ARHGEF6: variants seen among roughly 807,000 people sequenced by gnomAD.
ARHGEF6 encodes rho guanine nucleotide exchange factor 6.
Under a neutral mutation model 70.3 loss-of-function variants are expected in ARHGEF6, and 9 were observed. That is an observed-to-expected ratio of 0.13 (90% CI 0.08 to 0.22). The LOEUF (loss-of-function observed/expected upper bound fraction) is 0.22. ARHGEF6 is among the 10% of genes least tolerant of loss of function. The pLI is 1.00. For synonymous variants in ARHGEF6, 201 were observed against 207.8 expected (o/e 0.97, Z 0.28); for missense variants, 470 against 563.0 (o/e 0.83, Z 1.67).
At chrX:136,686,013 C>T (rs2076382225) in intron 11 of ARHGEF6, among the ~76,000 whole-genome samples, 190 bp from the exon 12 acceptor site, 1 of 112,017 alleles carries the variant, frequency 8.9e-6, no homozygotes, top group African/African-American at 3.2e-5. Flanking sequence ...AGGCTTGAGC[C>T]CCCAAAGGTT....
At chrX:136,685,195 T>C (rs1338185821) in intron 12 of ARHGEF6, among the ~76,000 whole-genome samples, 1 of 111,563 alleles carries the variant, frequency 9.0e-6, no homozygotes, top group East Asian at 2.8e-4. Flanking sequence ...TCCCCTTTTG[T>C]TTTTGTGCCC....
At chrX:136,755,409 C>T (rs908124327) in intron 2 of ARHGEF6, among the ~76,000 whole-genome samples, 1 of 111,635 alleles carries the variant, frequency 9.0e-6, no homozygotes, top group African/African-American at 3.3e-5. Flanking sequence ...GCAGCTCCTC[C>T]GTGCCTGTTT....
intron 1 of ARHGEF6, among the ~76,000 whole-genome samples, chrX:136,780,508 T>C (rs1439220265): frequency 8.9e-6 from 1 of 112,176 alleles, no homozygotes; most frequent in Non-Finnish European, 1.9e-5. Context: ...GTTTTCCCTA[T>C]ACTACAATTT....
chrX:136,675,308 G>A (rs1415542935), intron 18 of ARHGEF6, among the ~76,000 whole-genome samples: 2 of 98,829 alleles, frequency 2.0e-5, no homozygotes, highest in Non-Finnish European at 4.2e-5. Flanking sequence ...GCTTAGTGGA[G>A]GGCCTACTCC....
intron 10 of ARHGEF6, among the ~76,000 whole-genome samples, chrX:136,689,856 A>C (rs1312304112): frequency 1.8e-5 from 2 of 111,214 alleles, no homozygotes; most frequent in African/African-American, 6.5e-5. Flanking sequence ...ACAATCACAA[A>C]AGAATGGCTC....
Position 136,665,827 on chromosome X carries a change from A to G in ARHGEF6, c.*2202T>C, listed in dbSNP as rs1366885968. 4 of 112,320 alleles carry G rather than the reference A, an allele frequency of 3.6e-5. No individual in the cohort carries two copies. Among genetic ancestry groups the G allele is most frequent in the Non-Finnish European group, 5.6e-5 (3 of 53,208 alleles). The allele number at this position is 112,320 out of a possible 1,213,427, so 9.3% of individuals were successfully genotyped here. ...TGTGTAAGCATGGTTACCACTCTGCACAAGCTTCGTTATCCAGAGTACCGA... is the reference window on the plus strand; with the variant it reads ...TGTGTAAGCATGGTTACCACTCTGCGCAAGCTTCGTTATCCAGAGTACCGA... On this transcript the variant is annotated 3_prime_UTR_variant, in exon 22 of 22. Transcript: ENST00000250617.
At chrX:136,741,256 G>C in intron 5 of ARHGEF6, among the ~76,000 whole-genome samples, 1 of 111,084 alleles carries the variant, frequency 9.0e-6, no homozygotes, top group Non-Finnish European at 1.9e-5. Context: ...GAACAACATG[G>C]GTTTGAACTT....
intron 5 of ARHGEF6, 95 bp downstream of exon 5, chrX:136,743,490 C>T: frequency 1.1e-6 from 1 of 908,886 alleles, no homozygotes. Context: ...GTATAAACAG[C>T]TTCTGTTAAC....
chrX:136,752,439 T>C (rs2077161802), intron 2 of ARHGEF6, among the ~76,000 whole-genome samples: 1 of 112,278 alleles, frequency 8.9e-6, no homozygotes, highest in South Asian at 3.7e-4. Context: ...AGCTCGTGAT[T>C]ACAGAACCAA....
At chrX:136,682,142 G>A (rs1429374816) in intron 13 of ARHGEF6, among the ~76,000 whole-genome samples, 174 bp from the exon 14 acceptor site, 1 of 111,991 alleles carries the variant, frequency 8.9e-6, no homozygotes, top group Non-Finnish European at 1.9e-5. Context: ...AAGAAAGCAA[G>A]GGGAAAATGT....
intron 2 of ARHGEF6, among the ~76,000 whole-genome samples, chrX:136,773,600 G>A (rs946134316): frequency 3.6e-5 from 4 of 112,249 alleles, no homozygotes; most frequent in Admixed American, 9.4e-5. Context: ...GAACATTACC[G>A]AGTAATAACA....
intron 5 of ARHGEF6, among the ~76,000 whole-genome samples, chrX:136,739,661 AGAGG>A (rs1208927233): frequency 8.9e-6 from 1 of 112,082 alleles, no homozygotes; most frequent in Non-Finnish European, 1.9e-5. Flanking sequence ...TAAGCAGGGA[AGAGG>A]GATAGAGGGA....
intron 10 of ARHGEF6, among the ~76,000 whole-genome samples, chrX:136,690,086 C>G (rs185205654): frequency 1.8e-5 from 2 of 111,983 alleles, no homozygotes; most frequent in African/African-American, 6.5e-5. Context: ...AATATTGTAT[C>G]CATCCATTAG....
At chrX:136,669,216 T>TTTTCTTAAA (rs1281552231) in intron 21 of ARHGEF6, among the ~76,000 whole-genome samples, 3 of 112,278 alleles carry the variant, frequency 2.7e-5, no homozygotes, top group Non-Finnish European at 3.8e-5. Context: ...TCTTAAAGTC[T>TTTTCTTAAA]GTTTATGGAT....
chrX:136,687,980 T>C lies in ARHGEF6; in HGVS notation c.1197A>G (p.Pro399=). ...TTGCTTTCAGAATATCCTGATGATC[T>C]GGATGAGTATCCTATCAAAGGAATA... The part of the protein sequence containing the change: ...ELERHMEDTH[P]DHQDILKAIV... The change falls in exon 11 of 22, where the codon CCA becomes CCG. Residue 399 remains proline, a synonymous_variant. Transcript: ENST00000250617. 1 of 1,195,974 alleles carries C rather than the reference T, an allele frequency of 8.4e-7. No homozygotes were observed.
chrX:136,682,012 G>A lies in ARHGEF6; in HGVS notation c.1480-44C>T, dbSNP rs755987557. 3.8e-6 allele frequency: 4 copies of A among 1,058,128 alleles called. No individual in the cohort carries two copies. The East Asian group carries it at 9.1e-5, about 24-fold the overall frequency. The allele number at this position is 1,058,128 out of a possible 1,213,427, so 87.2% of individuals were successfully genotyped here. ...TCTCATTAATTCTGCAGTTATACAG[G>A]TCTCTGTTTATTTCACTTAGATTTT... is the stretch of plus-strand genomic sequence containing the variant. On this transcript the variant is annotated intron_variant, in intron 13 of 21. Coordinates refer to ENST00000250617, the MANE Select transcript of ARHGEF6 (RefSeq NM_004840.3).
At chrX:136,767,698 C>G (rs750938197) in intron 2 of ARHGEF6, 340 of 753,136 alleles carry the variant, frequency 4.5e-4, no homozygotes, top group Non-Finnish European at 4.8e-4. Context: ...CTCAGCTACC[C>G]GCGCCGGTCC....
At chrX:136,779,888 C>A (rs931099273) in intron 1 of ARHGEF6, among the ~76,000 whole-genome samples, 2 of 111,954 alleles carry the variant, frequency 1.8e-5, no homozygotes, top group African/African-American at 6.5e-5. Flanking sequence ...TTCCCCTCTA[C>A]ATTTGACCAC....
intron 14 of ARHGEF6, among the ~76,000 whole-genome samples, chrX:136,681,571 GC>G (rs755375123): frequency 3.6e-5 from 4 of 112,256 alleles, no homozygotes; most frequent in Non-Finnish European, 7.5e-5. Flanking sequence ...TGGCTCCTCT[GC>G]CACCAGGGAA....
Sources: gnomAD v4.1 joint callset for allele counts (sites outside exome capture counted in the v4.1 genomes callset) on GRCh38, gnomAD v4.1.1 for gene constraint, MANE v1.5 for transcripts, NCBI Gene and HGNC (gene_info 2026-07-23, HGNC 2026-07-21) for gene names.